The following DDX43 variants were observed in gnomAD, a reference collection of about 807,000 sequenced individuals.
DDX43 encodes DEAD-box helicase 43.
A neutral mutation model predicts 84.9 loss-of-function variants in DDX43; 50 were observed. The ratio of observed to expected loss-of-function variants is 0.59; its 90% CI spans 0.47 to 0.75. The LOEUF is 0.75. Among genes scored for constraint, DDX43 ranks in the 30% least tolerant of loss-of-function variants. The pLI, the probability that DDX43 is intolerant of heterozygous loss-of-function variation, is 0.00. For missense variants in DDX43, 689 were observed against 798.6 expected, an observed-to-expected ratio of 0.86 and a Z score of 1.65; for synonymous variants, 291 against 266.3, an observed-to-expected ratio of 1.09 and a Z score of -0.90.
chr6:73,410,740 A>G (rs970358955), intron 10 of DDX43, among the ~76,000 whole-genome samples: 5 of 151,944 alleles, frequency 3.3e-5, no homozygotes, highest in Non-Finnish European at 7.4e-5. Context: ...CTACAGGTGC[A>G]TGCCACCACA....
rs369032631 is a variant in DDX43, at chr6:73,408,067, G to C, written c.1145G>C (p.Ser382Thr). The change falls in exon 9 of 17, where the codon AGT becomes ACT. Residue 382 changes from serine (S) to threonine (T), a missense_variant. Physicochemically the swap from Ser to Thr is moderately conservative, Grantham distance 58. Transcript: ENST00000370336. ...GGAAGATTGAATGATCTGCAAATGA[G>C]TAACTTCGTCAATCTGAAGAATATA... is the stretch of plus-strand genomic sequence containing the variant. ...TPGRLNDLQM[S>T]NFVNLKNITY... The C allele has an allele frequency of 7.4e-6, 12 of 1,613,944 alleles. No individual in the cohort carries two copies. Among genetic ancestry groups the C allele is most frequent in the African/African-American group, 1.3e-5 (1 of 74,898 alleles).
chr6:73,409,262 A>G lies in DDX43; in HGVS notation c.1194A>G (p.Ala398=). 1.9e-6 allele frequency: 3 copies of G among 1,614,128 alleles called. No individual in the cohort carries two copies. Among genetic ancestry groups the G allele is most frequent in the Non-Finnish European group, 2.5e-6 (3 of 1,179,970 alleles). The change falls in exon 10 of 17, where the codon GCA becomes GCG. Residue 398 remains alanine (A), a synonymous_variant. Coordinates refer to ENST00000370336, the MANE Select transcript of DDX43 (RefSeq NM_018665.3). ...TGTCAATGCAGGTTTTAGATGAAGC[A>G]GACAAGATGTTGGACATGGGATTTG... The part of the protein sequence containing the change: ...KNITYLVLDE[A]DKMLDMGFEP...
intron 2 of DDX43, among the ~76,000 whole-genome samples, chr6:73,398,895 T>G (rs1769519590): frequency 6.6e-6 from 1 of 152,230 alleles, no homozygotes; most frequent in Admixed American, 6.5e-5. Flanking sequence ...TATGTCCTGC[T>G]TCCATTTGTA....
Position 73,405,731 on chromosome 6 carries a change from C to G in DDX43, c.703C>G (p.Pro235Ala). ...WDDLKDGEKR[P>A]IPNPTCTFDD... ...TGACTTGAAGGATGGGGAGAAACGA[C>G]CTATCCCCAATCCTACCTGCACATT... Residue 235 changes from proline (P) to alanine (A), a missense_variant, in exon 6 of 17, where the codon CCT (proline) becomes GCT (alanine). By Grantham distance (27) the Pro-to-Ala change is conservative. Around this residue, in one of 2 missense-constraint regions of DDX43, gnomAD observed 552 missense variants for 692.7 expected, o/e 0.80. Transcript: ENST00000370336. 1 of 1,614,022 alleles carries G rather than the reference C, an allele frequency of 6.2e-7. No individual in the cohort carries two copies. Among genetic ancestry groups the G allele is most frequent in the Non-Finnish European group, 8.5e-7 (1 of 1,179,958 alleles).
At chr6:73,415,019 C>T (rs559807304) in intron 14 of DDX43, among the ~76,000 whole-genome samples, 110 of 152,188 alleles carry the variant, frequency 7.2e-4, no homozygotes, top group Middle Eastern at 6.8e-3. Context: ...ACCACTGGGC[C>T]GGGCACGGTG....
rs1336000325 is a variant in DDX43, at chr6:73,394,959, G to T, written c.54G>T (p.Arg18=). The T allele has an allele frequency of 3.1e-6, 5 of 1,614,136 alleles. No individual in the cohort carries two copies. The highest frequency in any genetic ancestry group is 4.2e-6 in the Non-Finnish European group (5 of 1,180,052). Residue 18 remains arginine, a synonymous_variant, in exon 1 of 17, where the codon CGG becomes CGT. Coordinates refer to ENST00000370336, the MANE Select transcript of DDX43 (RefSeq NM_018665.3). The part of the protein sequence containing the change: ...PKASTWVVAS[R]RSSTVSRAPE... ...CCTCTACGTGGGTCGTTGCTAGTCG[G>T]CGAAGCTCGACAGTGTCCCGAGCGC...
chr6:73,400,167 G>T (rs1386942228), intron 2 of DDX43, 67 bp from the exon 3 acceptor site: 1 of 1,413,582 alleles, frequency 7.1e-7, no homozygotes, highest in Non-Finnish European at 9.6e-7. Flanking sequence ...GGGGTTAGGG[G>T]CTTAGGGAAC....
intron 10 of DDX43, among the ~76,000 whole-genome samples, 179 bp downstream of exon 10, chr6:73,409,527 G>T (rs1769746636): frequency 6.6e-6 from 1 of 152,048 alleles, no homozygotes. Context: ...ATGACTATTG[G>T]GTTTCCTAAG....
chr6:73,415,491 C>A lies in DDX43; in HGVS notation c.1746-6C>A, dbSNP rs746089282. On this transcript the variant is annotated splice_region_variant and splice_polypyrimidine_tract_variant and intron_variant, in intron 14 of 16. Transcript: ENST00000370336. ...AATACATGAGTTTTTTTCCCCCACA[C>A]TAAAGGAGGACTGGTGTTTCCATTA... 6 of 1,606,160 alleles carry A rather than the reference C, an allele frequency of 3.7e-6. No homozygotes were observed. Among genetic ancestry groups the A allele is most frequent in the Non-Finnish European group, 5.1e-6 (6 of 1,174,322 alleles).
chr6:73,397,884 G>C (rs1418352495), intron 2 of DDX43, 140 bp downstream of exon 2: 1 of 614,370 alleles, frequency 1.6e-6, no homozygotes, highest in Non-Finnish European at 2.7e-6. Flanking sequence ...TACAACCTCT[G>C]CCTCCTGGGT....
intron 10 of DDX43, 80 bp from the exon 11 acceptor site, chr6:73,412,125 A>T (rs1166144521): frequency 2.4e-6 from 3 of 1,224,814 alleles, no homozygotes; most frequent in Admixed American, 2.2e-5. Flanking sequence ...TTTCATGAGT[A>T]ACTTGGTTCA....
chr6:73,415,577 C>A lies in DDX43; in HGVS notation c.1826C>A (p.Ala609Glu), dbSNP rs1419064673. ...ASELINILER[A>E]NQSIPEELVS... The stretch of plus-strand genomic sequence containing the variant: ...GAATTGATTAATATTCTGGAAAGAG[C>A]AAATCAGGTGAGACTATGCAATTCA... The change falls in exon 15 of 17, where the codon GCA (alanine) becomes GAA (glutamate). Residue 609 changes from alanine to glutamate, a missense_variant. By Grantham distance (107) the Ala-to-Glu change is moderately radical. Coordinates refer to ENST00000370336, the MANE Select transcript of DDX43 (RefSeq NM_018665.3). 1 of 1,607,738 alleles carries A rather than the reference C, an allele frequency of 6.2e-7. No individual in the cohort carries two copies. The highest frequency in any genetic ancestry group is 2.2e-5 in the East Asian group (1 of 44,754).
At chr6:73,414,419 C>A in intron 13 of DDX43, 129 bp from the exon 14 acceptor site, 1 of 873,376 alleles carries the variant, frequency 1.1e-6, no homozygotes. Context: ...TCCATTTTCA[C>A]AAAGTAAGCA....
chr6:73,406,292 G>A, intron 6 of DDX43, 72 bp from the exon 7 acceptor site: 1 of 1,114,258 alleles, frequency 9.0e-7, no homozygotes, highest in East Asian at 2.5e-5. Context: ...AAAGTGCTGG[G>A]ATTACAGGCG....
Position 73,404,733 on chromosome 6 carries a change from C to T in DDX43, c.612C>T (p.Ala204=). The change falls in exon 5 of 17, where the codon GCC becomes GCT. Residue 204 remains alanine (A), a synonymous_variant. Transcript: ENST00000370336. Reference sequence around the variant, plus strand: ...AAAACTTTTATAAAGAGTCCACTGCCACAAGTGCCATGTCAAAAGTAGAAG... The same window carrying T: ...AAAACTTTTATAAAGAGTCCACTGCTACAAGTGCCATGTCAAAAGTAGAAG... ...IKKNFYKEST[A]TSAMSKVEAD... 2.5e-6 allele frequency: 4 copies of T among 1,613,252 alleles called. No individual in the cohort carries two copies. Among genetic ancestry groups the T allele is most frequent in the Non-Finnish European group, 3.4e-6 (4 of 1,179,734 alleles).
rs1769690198 is a variant in DDX43 at position 73,406,681 on chromosome 6, T to C, written c.926+199T>C. 1.3e-5 allele frequency among the ~76,000 whole-genome samples: 2 copies of C among 152,216 alleles called. 1 individual carries two copies. The highest frequency in any genetic ancestry group is 4.1e-4 in the South Asian group (2 of 4,836). ...CATTTTTAGGAGGCAATAGGTAATA[T>C]CTACCAAAAGCCTTAGTAGTGAAAC... On this transcript the variant is annotated intron_variant, in intron 7 of 16. Transcript: ENST00000370336.
At chr6:73,405,061 C>T (rs1347986807) in intron 5 of DDX43, among the ~76,000 whole-genome samples, 1 of 151,408 alleles carries the variant, frequency 6.6e-6, no homozygotes, top group East Asian at 1.9e-4. Context: ...GTGGCTAGTG[C>T]CTACTATATT....
chr6:73,412,429 T>C (rs182700553), intron 11 of DDX43, 137 bp downstream of exon 11: 38 of 647,716 alleles, frequency 5.9e-5, no homozygotes, highest in African/African-American at 5.5e-4. Flanking sequence ...AGAGCTGTAA[T>C]ACGATTATCT....
intron 10 of DDX43, among the ~76,000 whole-genome samples, chr6:73,410,206 A>G (rs1283688666): frequency 6.6e-6 from 1 of 152,138 alleles, no homozygotes; most frequent in African/African-American, 2.4e-5. Flanking sequence ...TCTCGCTGAC[A>G]CTCAAGCTGG....
Sources: allele counts gnomAD v4.1 joint callset (sites outside exome capture counted in the v4.1 genomes callset), GRCh38; gene constraint gnomAD v4.1.1; regional missense constraint gnomAD v4.1.1; transcripts MANE v1.5; gene names NCBI Gene and HGNC (gene_info 2026-07-23, HGNC 2026-07-21).